CTXND2: variants seen among roughly 807,000 people sequenced by gnomAD.
CTXND2 encodes cortexin domain containing 2.
At chr1:150,911,410 T>G (rs914097714) in intron 1 of CTXND2, among the ~76,000 whole-genome samples, 14 of 151,032 alleles carry the variant, frequency 9.3e-5, no homozygotes, top group Non-Finnish European at 1.6e-4. Flanking sequence ...AGGTTTTGGG[T>G]TTTTTTTTCC....
intron 1 of CTXND2, chr1:150,903,831 G>A (rs769861687): frequency 6.1e-6 from 3 of 489,488 alleles, no homozygotes; most frequent in Non-Finnish European, 1.2e-5. Flanking sequence ...TTTATGGAGA[G>A]AGTGGGATGT....
chr1:150,908,408 T>C (rs1669190985), intron 1 of CTXND2, among the ~76,000 whole-genome samples: 1 of 152,202 alleles, frequency 6.6e-6, no homozygotes, highest in African/African-American at 2.4e-5. Context: ...TTTCAATTAC[T>C]TTCTACCTTT....
At chr1:150,902,434 G>A (rs587697467) in intron 1 of CTXND2, among the ~76,000 whole-genome samples, 23 of 152,074 alleles carry the variant, frequency 1.5e-4, no homozygotes, top group Non-Finnish European at 2.4e-4. Context: ...TGGGCATGGT[G>A]GCACACGCCT....
intron 1 of CTXND2, among the ~76,000 whole-genome samples, chr1:150,899,768 C>A (rs1185712771): frequency 6.6e-6 from 1 of 152,084 alleles, no homozygotes; most frequent in Non-Finnish European, 1.5e-5. Flanking sequence ...ACCAGCCTGA[C>A]CTACATGATG....
At chr1:150,896,398 A>G (rs1668914524) in intron 1 of CTXND2, among the ~76,000 whole-genome samples, 1 of 152,084 alleles carries the variant, frequency 6.6e-6, no homozygotes, top group African/African-American at 2.4e-5. Flanking sequence ...CTTTTCTGTC[A>G]CTCGCAACCA....
intron 1 of CTXND2, among the ~76,000 whole-genome samples, chr1:150,898,484 G>A (rs745971462): frequency 6.6e-6 from 1 of 152,038 alleles, no homozygotes; most frequent in Non-Finnish European, 1.5e-5. Context: ...CTGGCCGGGC[G>A]TGGTGGCTCA....
chr1:150,887,752 A>C (rs923539299), intron 1 of CTXND2, among the ~76,000 whole-genome samples: 4 of 152,070 alleles, frequency 2.6e-5, no homozygotes, highest in African/African-American at 9.7e-5. Flanking sequence ...CTTTGCACTA[A>C]ACTTATGGCC....
intron 1 of CTXND2, among the ~76,000 whole-genome samples, chr1:150,900,082 A>C (rs928570520): frequency 6.6e-6 from 1 of 152,222 alleles, no homozygotes; most frequent in Admixed American, 6.5e-5. Context: ...CTGAGCCAGC[A>C]GCAGCAACCC....
intron 1 of CTXND2, among the ~76,000 whole-genome samples, chr1:150,911,437 A>AT (rs1395701719): frequency 1.3e-5 from 2 of 149,678 alleles, no homozygotes; most frequent in African/African-American, 4.9e-5. Context: ...CCTTATGTAA[A>AT]TTTATTTTTT....
exon 2 of CTXND2, chr1:150,913,102 T>C (rs2102606696): frequency 6.6e-6 from 1 of 152,230 alleles, no homozygotes; most frequent in African/African-American, 2.4e-5. Context: ...TGTGAGCTTA[T>C]TTGGAAAAAT....
At chr1:150,904,025 G>T (rs1198312225) in intron 1 of CTXND2, 11 of 653,394 alleles carry the variant, frequency 1.7e-5, no homozygotes, top group African/African-American at 1.1e-4. Context: ...GACAGGTCAG[G>T]CTGTTGGATT....
chr1:150,898,426 A>C (rs981727003), intron 1 of CTXND2, among the ~76,000 whole-genome samples: 1 of 151,940 alleles, frequency 6.6e-6, no homozygotes, highest in Non-Finnish European at 1.5e-5. Context: ...ACTGGACCCT[A>C]TCTGTGGAGT....
chr1:150,900,136 C>T (rs1327356270), intron 1 of CTXND2, among the ~76,000 whole-genome samples: 2 of 152,100 alleles, frequency 1.3e-5, no homozygotes, highest in Non-Finnish European at 2.9e-5. Context: ...TTCTTTTGCT[C>T]TTCTCAATAA....
intron 1 of CTXND2, among the ~76,000 whole-genome samples, chr1:150,900,689 AT>A (rs1669002221): frequency 6.6e-6 from 1 of 152,064 alleles, no homozygotes; most frequent in Non-Finnish European, 1.5e-5. Flanking sequence ...GTGAGAAAAT[AT>A]TTGCAATATA....
chr1:150,907,315 A>G (rs1669166383), intron 1 of CTXND2, among the ~76,000 whole-genome samples: 1 of 152,212 alleles, frequency 6.6e-6, no homozygotes, highest in African/African-American at 2.4e-5. Flanking sequence ...AACCTGTATC[A>G]TTTAACTTTC....
At chr1:150,895,362 G>C (rs1250302925) in intron 1 of CTXND2, among the ~76,000 whole-genome samples, 1 of 150,516 alleles carries the variant, frequency 6.6e-6, no homozygotes. Context: ...TTAATTTTGT[G>C]TGACGAAGTC....
chr1:150,894,006 G>A (rs987968075), intron 1 of CTXND2, among the ~76,000 whole-genome samples: 4 of 151,008 alleles, frequency 2.6e-5, no homozygotes, highest in African/African-American at 9.7e-5. Flanking sequence ...CCAGAGATGG[G>A]GGCGTCTCAC....
intron 1 of CTXND2, among the ~76,000 whole-genome samples, chr1:150,887,758 T>C (rs908708947): frequency 4.6e-5 from 7 of 152,118 alleles, no homozygotes; most frequent in Non-Finnish European, 1.0e-4. Context: ...ACTAAACTTA[T>C]GGCCAGGAGA....
chr1:150,902,778 C>CA (rs1242655910), intron 1 of CTXND2, among the ~76,000 whole-genome samples: 1 of 151,788 alleles, frequency 6.6e-6, no homozygotes, highest in Non-Finnish European at 1.5e-5. Context: ...GACAAAATGA[C>CA]AAAAAAGCAG....
Sources: gnomAD v4.1 joint callset for allele counts (sites outside exome capture counted in the v4.1 genomes callset) on GRCh38, gnomAD v4.1.1 for gene constraint, MANE v1.5 for transcripts, NCBI Gene and HGNC (gene_info 2026-07-23, HGNC 2026-07-21) for gene names.